Variants in ABTB3 observed in about 807,000 individuals in gnomAD.
ABTB3 encodes the protein ankyrin repeat- and BTB/POZ domain-containing protein 3.
the ABTB3 span, among the ~76,000 whole-genome samples, chr12:107,425,462 C>G: frequency 6.6e-6 from 1 of 152,136 alleles, no homozygotes; most frequent in Non-Finnish European, 1.5e-5. Context: ...ATGTACTAAA[C>G]TAGACTGTTC....
chr12:107,327,853 T>G, the ABTB3 span, among the ~76,000 whole-genome samples: 2 of 152,232 alleles, frequency 1.3e-5, no homozygotes, highest in Non-Finnish European at 2.9e-5. Flanking sequence ...CTCATTCATG[T>G]AGAGTCCACC....
the ABTB3 span, among the ~76,000 whole-genome samples, chr12:107,611,957 G>T: frequency 6.6e-6 from 1 of 152,128 alleles, no homozygotes; most frequent in African/African-American, 2.4e-5. Flanking sequence ...TGTCCCCAAG[G>T]CTGTAATGTT....
At chr12:107,368,253 C>A in the ABTB3 span, among the ~76,000 whole-genome samples, 1 of 152,190 alleles carries the variant, frequency 6.6e-6, no homozygotes, top group Admixed American at 6.5e-5. Flanking sequence ...GAGCAAGTAG[C>A]AAATCACACA....
chr12:107,468,825 C>T, the ABTB3 span, among the ~76,000 whole-genome samples: 14 of 152,196 alleles, frequency 9.2e-5, no homozygotes, highest in African/African-American at 2.9e-4. Flanking sequence ...GAAATGCAAC[C>T]CATTTTCTAG....
the ABTB3 span, among the ~76,000 whole-genome samples, chr12:107,508,161 A>G: frequency 6.6e-6 from 1 of 151,966 alleles, no homozygotes; most frequent in African/African-American, 2.4e-5. Flanking sequence ...TTAAGCTCCA[A>G]GAAGGAAGCT....
the ABTB3 span, chr12:107,619,869 T>A: frequency 1.1e-6 from 1 of 919,492 alleles, no homozygotes; most frequent in Non-Finnish European, 1.6e-6. Context: ...TTTAGTAATG[T>A]CCTGGGGAAA....
At chr12:107,452,360 C>A in the ABTB3 span, among the ~76,000 whole-genome samples, 1 of 152,054 alleles carries the variant, frequency 6.6e-6, no homozygotes, top group African/African-American at 2.4e-5. Context: ...GCGCCCACCA[C>A]CACGCCCGGC....
the ABTB3 span, among the ~76,000 whole-genome samples, chr12:107,465,213 T>C: frequency 6.6e-6 from 1 of 152,126 alleles, no homozygotes; most frequent in African/African-American, 2.4e-5. Context: ...TGCCCTCCAG[T>C]GCCCCGAGGA....
chr12:107,640,173 G>A, the ABTB3 span: 10 of 558,272 alleles, frequency 1.8e-5, no homozygotes, highest in Admixed American at 6.7e-5. Flanking sequence ...CCTGTCTGCT[G>A]TTTGGTTGCT....
chr12:107,437,216 G>T, the ABTB3 span, among the ~76,000 whole-genome samples: 1 of 152,074 alleles, frequency 6.6e-6, no homozygotes, highest in Non-Finnish European at 1.5e-5. Flanking sequence ...CAGTTCCAGA[G>T]GTCAGAAGCT....
At chr12:107,573,941 T>C in the ABTB3 span, among the ~76,000 whole-genome samples, 1 of 152,264 alleles carries the variant, frequency 6.6e-6, no homozygotes, top group South Asian at 2.1e-4. Flanking sequence ...CTGGATAATG[T>C]GACCTAGCCA....
the ABTB3 span, among the ~76,000 whole-genome samples, chr12:107,469,289 A>T: frequency 6.6e-6 from 1 of 152,152 alleles, no homozygotes; most frequent in African/African-American, 2.4e-5. Flanking sequence ...GAAGGGGTGG[A>T]ATTGAGCTTC....
the ABTB3 span, among the ~76,000 whole-genome samples, chr12:107,493,918 A>T: frequency 1.3e-5 from 2 of 152,206 alleles, no homozygotes; most frequent in Non-Finnish European, 2.9e-5. Context: ...ACTCTGCAAC[A>T]CCTTGAGTGT....
the ABTB3 span, among the ~76,000 whole-genome samples, chr12:107,581,932 A>C: frequency 6.6e-6 from 1 of 152,178 alleles, no homozygotes; most frequent in Non-Finnish European, 1.5e-5. Context: ...GTGCGCGTGC[A>C]CGCACACGAA....
the ABTB3 span, among the ~76,000 whole-genome samples, chr12:107,422,038 A>C: frequency 6.6e-6 from 1 of 152,318 alleles, no homozygotes; most frequent in South Asian, 2.1e-4. Context: ...AATGTCAGGT[A>C]ATAGAAAATG....
At chr12:107,657,805 GC>G in the ABTB3 span, 66 of 1,447,248 alleles carry the variant, frequency 4.6e-5, no homozygotes, top group African/African-American at 8.3e-4. Flanking sequence ...ATTCCACCTG[GC>G]ACCTGTTTTT....
chr12:107,645,886 G>A, the ABTB3 span, among the ~76,000 whole-genome samples: 1 of 152,322 alleles, frequency 6.6e-6, no homozygotes, highest in South Asian at 2.1e-4. Context: ...AGGACCCGGG[G>A]ACTTTTCCGT....
At chr12:107,538,752 A>C in the ABTB3 span, among the ~76,000 whole-genome samples, 1 of 152,306 alleles carries the variant, frequency 6.6e-6, no homozygotes, top group Non-Finnish European at 1.5e-5. Flanking sequence ...CCAATGGGGT[A>C]GACTCTGAGA....
chr12:107,385,453 G>A, the ABTB3 span, among the ~76,000 whole-genome samples: 52 of 152,352 alleles, frequency 3.4e-4, no homozygotes, highest in Middle Eastern at 3.4e-3. Flanking sequence ...GCCTGGTGTG[G>A]TCTCCCATTA....
Sources: gnomAD v4.1 joint callset for allele counts (sites outside exome capture counted in the v4.1 genomes callset) on GRCh38, gnomAD v4.1.1 for gene constraint, MANE v1.5 for transcripts, NCBI Gene and HGNC (gene_info 2026-07-23, HGNC 2026-07-21) for gene names.